Variants in GPR39 observed in about 807,000 individuals in gnomAD.
GPR39 encodes the protein G protein-coupled receptor 39, also known as zinc sensing receptor.
A neutral mutation model predicts 18.4 loss-of-function variants in GPR39; 23 were observed. That is an observed-to-expected ratio of 1.25 (90% CI 0.90 to 1.77). The LOEUF is 1.77. GPR39 is among the 40% of genes most tolerant of loss of function. The pLI is 0.00. For synonymous variants in GPR39, 280 were observed against 257.9 expected, an observed-to-expected ratio of 1.09 and a Z score of -0.82; for missense variants, 647 against 602.4, an observed-to-expected ratio of 1.07 and a Z score of -0.78.
At position 132,614,811 on chromosome 2, in the gene GPR39, G is replaced by A. The variant is rs567291269; in HGVS notation, c.857-30290G>A. Among the ~76,000 whole-genome samples, 4 of 152,208 alleles carry A rather than the reference G, an allele frequency of 2.6e-5. No individual in the cohort carries two copies. In the South Asian group the frequency reaches 8.3e-4, roughly 32 times the overall value. On this transcript the variant is annotated intron_variant, in intron 1 of 1. Transcript: ENST00000329321. ...CTGCCTCAGCCTCCCAAAGTGCTGGGATTACAGGCATGAGCCACCATGCCC... is the reference window on the plus strand; with the variant it reads ...CTGCCTCAGCCTCCCAAAGTGCTGGAATTACAGGCATGAGCCACCATGCCC...
chr2:132,462,910 T>C (rs537497486), intron 1 of GPR39, among the ~76,000 whole-genome samples: 1 of 152,374 alleles, frequency 6.6e-6, no homozygotes, highest in Admixed American at 6.5e-5. Context: ...TTTTTACTTA[T>C]AAGTTTATAA....
chr2:132,594,460 G>T (rs1680902222), intron 1 of GPR39, among the ~76,000 whole-genome samples: 1 of 151,894 alleles, frequency 6.6e-6, no homozygotes, highest in Non-Finnish European at 1.5e-5. Flanking sequence ...AACTGATTTT[G>T]CTTGGTCCCA....
At chr2:132,584,275 G>A (rs73955708) in intron 1 of GPR39, among the ~76,000 whole-genome samples, 3,003 of 152,256 alleles carry the variant, frequency 0.02, 110 homozygotes, top group African/African-American at 0.068. Context: ...TATGCGTGAA[G>A]TCTTAGAGGA....
chr2:132,589,283 A>G (rs770559479), intron 1 of GPR39, among the ~76,000 whole-genome samples: 8 of 151,822 alleles, frequency 5.3e-5, no homozygotes, highest in Non-Finnish European at 1.2e-4. Context: ...CCTCCTCCAC[A>G]TCGGCTGCCG....
In GPR39 at chr2:132,646,127, C is replaced by T. The variant is rs773814861; in HGVS notation, c.*521C>T. The T allele has an allele frequency of 2.5e-6, 4 of 1,609,916 alleles. No individual in the cohort carries two copies. The highest frequency in any genetic ancestry group is 1.1e-5 in the South Asian group (1 of 90,312). On this transcript the variant is annotated 3_prime_UTR_variant, in exon 2 of 2. Transcript: ENST00000329321. ...TGGCCTGAGGGCCGAGGCAGAACTTCCCCTTTTCTTGGGCCTTGGCCCGTT... is the reference window on the plus strand; with the variant it reads ...TGGCCTGAGGGCCGAGGCAGAACTTTCCCTTTTCTTGGGCCTTGGCCCGTT...
rs542253539 is a variant in GPR39 at position 132,601,086 on chromosome 2, A to G, written c.857-44015A>G. ...CAATTCTTCTCCAACTATTTCCCCA[A>G]AATTGAAGAGGCAGGAATTCTTCCT... On this transcript the variant is annotated intron_variant, in intron 1 of 1. Transcript: ENST00000329321. 2.6e-5 allele frequency among the ~76,000 whole-genome samples: 4 copies of G among 152,266 alleles called. No homozygotes were observed. In the East Asian group the frequency reaches 7.7e-4, roughly 29 times the overall value.
Position 132,645,443 on chromosome 2 carries a change from C to G in GPR39, c.1199C>G (p.Ser400Cys), listed in dbSNP as rs756654238. Residue 400 changes from serine to cysteine, a missense_variant, in exon 2 of 2, where the codon TCC becomes TGC. Physicochemically the swap from Ser to Cys is moderately radical, Grantham distance 112. This residue lies in a region of GPR39 where 581 missense variants were observed against 506.8 expected (regional missense o/e 1.15). Transcript: ENST00000329321. ...TTGCTCTTCGCGTCCCGGCGCCAGT[C>G]CTCTGCAAGGAGAACTGAGAAGATT... ...RPLLFASRRQ[S>C]SARRTEKIFL... 1 of 1,613,774 alleles carries G rather than the reference C, an allele frequency of 6.2e-7. No homozygotes were observed.
chr2:132,418,020 A>G, intron 1 of GPR39, 122 bp downstream of exon 1: 2 of 1,242,326 alleles, frequency 1.6e-6, no homozygotes, highest in South Asian at 1.5e-5. Flanking sequence ...TAAGTTTACT[A>G]AGGTGGAAGA....
At chr2:132,644,464 T>C (rs1269551471) in intron 1 of GPR39, among the ~76,000 whole-genome samples, 1 of 152,244 alleles carries the variant, frequency 6.6e-6, no homozygotes, top group Admixed American at 6.5e-5. Context: ...GAAACACATA[T>C]GCTGTTGCAG....
At chr2:132,605,216 T>C (rs1188232982) in intron 1 of GPR39, among the ~76,000 whole-genome samples, 1 of 152,136 alleles carries the variant, frequency 6.6e-6, no homozygotes, top group African/African-American at 2.4e-5. Context: ...TTCTGCAAGT[T>C]GATCATGACA....
At chr2:132,511,201 C>T (rs1679234946) in intron 1 of GPR39, among the ~76,000 whole-genome samples, 1 of 152,174 alleles carries the variant, frequency 6.6e-6, no homozygotes, top group Non-Finnish European at 1.5e-5. Context: ...CTTCAATCTG[C>T]ATTTTCATAT....
At chr2:132,597,102 G>C (rs967942034) in intron 1 of GPR39, among the ~76,000 whole-genome samples, 2 of 152,148 alleles carry the variant, frequency 1.3e-5, no homozygotes, top group Non-Finnish European at 2.9e-5. Context: ...GAGTAGCATG[G>C]GGAACTGGGA....
At chr2:132,452,553 G>A (rs1680648181) in intron 1 of GPR39, among the ~76,000 whole-genome samples, 1 of 151,956 alleles carries the variant, frequency 6.6e-6, no homozygotes, top group South Asian at 2.1e-4. Context: ...AGGTATACAT[G>A]TGCCATGTTG....
chr2:132,606,586 T>A (rs571733260), intron 1 of GPR39, among the ~76,000 whole-genome samples: 1 of 152,330 alleles, frequency 6.6e-6, no homozygotes, highest in African/African-American at 2.4e-5. Context: ...TGTATTACAG[T>A]GTGCTCCTTC....
In GPR39 at chr2:132,645,996, G is replaced by A. The variant is rs1682050414; in HGVS notation, c.*390G>A. Reference sequence around the variant, plus strand: ...TCACTCAGGGAGGTGGGGGGTTGGGGGCGAGGGCTGGAAGAACAATGCAGG... The same window carrying A: ...TCACTCAGGGAGGTGGGGGGTTGGGAGCGAGGGCTGGAAGAACAATGCAGG... On this transcript the variant is annotated 3_prime_UTR_variant, in exon 2 of 2. Coordinates refer to ENST00000329321, the MANE Select transcript of GPR39 (RefSeq NM_001508.3). 4 of 1,403,590 alleles carry A rather than the reference G, an allele frequency of 2.8e-6. No homozygotes were observed. In the South Asian group the frequency reaches 5.8e-5, roughly 20 times the overall value. 86.9% of individuals were successfully genotyped at this position (1,403,590 alleles called of 1,614,324 possible). A position where few individuals can be genotyped will look rare whatever the true frequency, so the allele number is the denominator to read the frequency against.
At chr2:132,599,127 T>C (rs1288768021) in intron 1 of GPR39, among the ~76,000 whole-genome samples, 3 of 151,956 alleles carry the variant, frequency 2.0e-5, no homozygotes, top group African/African-American at 7.3e-5. Flanking sequence ...GTCTAAGTTA[T>C]AAAGGGGGTG....
chr2:132,499,056 G>A (rs1250469927), intron 1 of GPR39, among the ~76,000 whole-genome samples: 1 of 152,106 alleles, frequency 6.6e-6, no homozygotes, highest in Admixed American at 6.6e-5. Context: ...GAACTTTTTA[G>A]TTTAATTAAA....
intron 1 of GPR39, among the ~76,000 whole-genome samples, chr2:132,459,786 G>T (rs1249300002): frequency 2.6e-5 from 4 of 152,196 alleles, no homozygotes; most frequent in African/African-American, 7.2e-5. Flanking sequence ...ATAAAGAACT[G>T]TGGGTAAGTG....
intron 1 of GPR39, among the ~76,000 whole-genome samples, chr2:132,574,838 A>G (rs908433318): frequency 2.0e-5 from 3 of 152,204 alleles, no homozygotes; most frequent in Admixed American, 6.5e-5. Flanking sequence ...TTTTTCTAAT[A>G]TTATTAATGT....
Sources: gnomAD v4.1 joint callset for allele counts (sites outside exome capture counted in the v4.1 genomes callset) on GRCh38, gnomAD v4.1.1 for gene constraint, gnomAD v4.1.1 regional missense constraint, MANE v1.5 for transcripts, NCBI Gene and HGNC (gene_info 2026-07-23, HGNC 2026-07-21) for gene names.